NGEF: variants seen among roughly 807,000 people sequenced by gnomAD.
NGEF encodes neuronal guanine nucleotide exchange factor, also known as ephexin-1.
Under a neutral mutation model 80.9 loss-of-function variants are expected in NGEF, and 31 were observed. The ratio of observed to expected loss-of-function variants is 0.38; its 90% CI spans 0.29 to 0.52. The LOEUF (loss-of-function observed/expected upper bound fraction) is 0.52, where lower values mean the gene tolerates loss of function less well. Among genes scored for constraint, NGEF ranks in the 20% least tolerant of loss-of-function variants. The probability of loss-of-function intolerance (pLI) is 0.84; values close to 1 mark genes in which losing one functional copy is unlikely to be tolerated. For missense variants in NGEF, 709 were observed against 926.2 expected (o/e 0.77, Z 3.04); for synonymous variants, 371 against 370.2 (o/e 1.00, Z -0.03).
At chr2:232,942,792 CAAA>C (rs35882284) in intron 3 of NGEF, among the ~76,000 whole-genome samples, 2 of 120,638 alleles carry the variant, frequency 1.7e-5, no homozygotes, top group African/African-American at 2.9e-5. Context: ...GACTCCGTCT[CAAA>C]AAAAAAAAAA....
intron 3 of NGEF, among the ~76,000 whole-genome samples, chr2:232,965,389 C>T (rs1216736306): frequency 2.0e-5 from 3 of 152,048 alleles, no homozygotes; most frequent in Admixed American, 1.3e-4. Flanking sequence ...CAAAATCAGC[C>T]GCGACACTTT....
intron 1 of NGEF, among the ~76,000 whole-genome samples, chr2:232,994,873 T>C (rs964656771): frequency 6.6e-6 from 1 of 151,726 alleles, no homozygotes; most frequent in Non-Finnish European, 1.5e-5. Context: ...CACATATACA[T>C]ATATGGATAT....
chr2:232,910,055 A>C (rs560233428), intron 5 of NGEF, among the ~76,000 whole-genome samples: 17 of 152,262 alleles, frequency 1.1e-4, no homozygotes, highest in African/African-American at 3.1e-4. Context: ...ATTCCCAACC[A>C]GGAGCAATTT....
chr2:232,928,029 C>T (rs1693120661), intron 3 of NGEF: 1 of 815,004 alleles, frequency 1.2e-6, no homozygotes. Context: ...GTGCGGGGGC[C>T]GGGTCGGGGG....
chr2:232,928,124 A>ACCC (rs1431243333), intron 3 of NGEF: 2 of 1,003,056 alleles, frequency 2.0e-6, no homozygotes, highest in African/African-American at 3.5e-5. Flanking sequence ...CCGGAGCTGC[A>ACCC]GCCGCCGCCG....
At chr2:232,884,249 C>T (rs1691603381) in intron 10 of NGEF, 105 bp from the exon 11 acceptor site, 8 of 1,295,702 alleles carry the variant, frequency 6.2e-6, no homozygotes, top group Non-Finnish European at 7.2e-6. Context: ...TGCCCAGGGC[C>T]CCGACACATG....
chr2:232,943,316 AAG>A (rs1280119210), intron 3 of NGEF, among the ~76,000 whole-genome samples: 1 of 152,144 alleles, frequency 6.6e-6, no homozygotes, highest in Non-Finnish European at 1.5e-5. Context: ...CCAGGAGAAA[AAG>A]AGAGCCGTCT....
chr2:232,939,040 T>C (rs919968955), intron 3 of NGEF, among the ~76,000 whole-genome samples: 1 of 151,936 alleles, frequency 6.6e-6, no homozygotes, highest in Admixed American at 6.6e-5. Context: ...TAGCTGGGTA[T>C]GGTGGTGGGC....
chr2:232,904,722 T>C (rs552191865), intron 5 of NGEF, among the ~76,000 whole-genome samples: 17 of 152,232 alleles, frequency 1.1e-4, no homozygotes, highest in African/African-American at 3.9e-4. Context: ...GGCAGGAGGA[T>C]TGCTTGAGCC....
At chr2:232,919,550 T>C (rs1692890515) in intron 5 of NGEF, among the ~76,000 whole-genome samples, 1 of 152,202 alleles carries the variant, frequency 6.6e-6, no homozygotes, top group Admixed American at 6.5e-5. Flanking sequence ...ACCATATGCT[T>C]GTTTCTCTAT....
In NGEF at chr2:232,906,367, G is replaced by A. The variant is rs1318143433; in HGVS notation, c.829-11451C>T. Among the ~76,000 whole-genome samples the A allele has an allele frequency of 6.6e-5, 9 of 137,316 alleles. 2 individuals are homozygous for A. Among genetic ancestry groups the A allele is most frequent in the South Asian group, 2.5e-4 (1 of 4,000 alleles). 90.1% of individuals were successfully genotyped at this position (137,316 alleles called of 152,430 possible). On this transcript the variant is annotated intron_variant, in intron 5 of 14. Coordinates refer to ENST00000264051, the MANE Select transcript of NGEF (RefSeq NM_019850.3). ...GGTGGGGGGGGTCAGCCCCCCGCCC[G>A]GCCAGCCGCCCCGTCCGGGAGGGAG...
At chr2:232,928,913 G>A (rs1357766262) in intron 3 of NGEF, among the ~76,000 whole-genome samples, 1 of 152,244 alleles carries the variant, frequency 6.6e-6, no homozygotes, top group African/African-American at 2.4e-5. Flanking sequence ...AAGGACAGTC[G>A]GAAGAGCGAG....
At chr2:232,983,413 G>T (rs1009878809) in intron 1 of NGEF, among the ~76,000 whole-genome samples, 4 of 152,096 alleles carry the variant, frequency 2.6e-5, no homozygotes, top group African/African-American at 9.7e-5. Flanking sequence ...CAGCAGTTTG[G>T]TGCCTGAGGG....
chr2:232,985,878 G>T (rs1221225081), intron 1 of NGEF, among the ~76,000 whole-genome samples: 1 of 151,586 alleles, frequency 6.6e-6, no homozygotes, highest in East Asian at 1.9e-4. Context: ...AGCAGAGGTT[G>T]CAGTGAGCCC....
intron 3 of NGEF, among the ~76,000 whole-genome samples, chr2:232,961,312 C>CT (rs558394631): frequency 1.1e-3 from 175 of 152,240 alleles, no homozygotes; most frequent in African/African-American, 4.1e-3. Flanking sequence ...GACTCAGACT[C>CT]TAACTACACT....
chr2:232,980,538 G>A (rs1282824309), intron 1 of NGEF, among the ~76,000 whole-genome samples: 3 of 151,636 alleles, frequency 2.0e-5, no homozygotes, highest in Non-Finnish European at 4.4e-5. Flanking sequence ...TTGCTCTGTC[G>A]CCTAGGCTGG....
chr2:232,908,618 G>A (rs1455125879), intron 5 of NGEF, among the ~76,000 whole-genome samples: 1 of 151,926 alleles, frequency 6.6e-6, no homozygotes, highest in African/African-American at 2.4e-5. Context: ...TGCCCAGGCT[G>A]GTCTTCAACT....
intron 5 of NGEF, among the ~76,000 whole-genome samples, chr2:232,906,164 A>T (rs1425264041): frequency 2.8e-5 from 1 of 35,090 alleles, no homozygotes; most frequent in Admixed American, 3.0e-4. Flanking sequence ...TCCGGGAGGG[A>T]GGTGGGGGGG....
At chr2:232,968,890 T>A (rs536406071) in intron 3 of NGEF, among the ~76,000 whole-genome samples, 1 of 152,340 alleles carries the variant, frequency 6.6e-6, no homozygotes, top group East Asian at 1.9e-4. Context: ...TCTCTTTCCC[T>A]CCACCTGAAC....
Sources: gnomAD v4.1 joint callset for allele counts (sites outside exome capture counted in the v4.1 genomes callset) on GRCh38, gnomAD v4.1.1 for gene constraint, MANE v1.5 for transcripts, NCBI Gene and HGNC (gene_info 2026-07-23, HGNC 2026-07-21) for gene names.